KLHDC7A: variants seen among roughly 807,000 people sequenced by gnomAD.
KLHDC7A encodes the protein kelch domain containing 7A, also known as kelch domain-containing protein 7A.
For synonymous variants in KLHDC7A, 464 were observed against 461.0 expected (o/e 1.01, Z -0.08); for missense variants, 1,123 against 1,052.6 (o/e 1.07, Z -0.93).
At position 18,481,113 on chromosome 1, in the gene KLHDC7A, A is replaced by C; in HGVS notation, c.132A>C (p.Pro44=). 4 of 1,613,798 alleles carry C rather than the reference A, an allele frequency of 2.5e-6. No homozygotes were observed. Among genetic ancestry groups the C allele is most frequent in the Non-Finnish European group, 3.4e-6 (4 of 1,179,950 alleles). ...AYRLYKSRPA[P]AQRWGGNGQA... ...GGCTGTACAAGTCGAGGCCTGCCCC[A>C]GCCCAGCGGTGGGGTGGGAATGGCC... Residue 44 remains proline, a synonymous_variant, in exon 1 of 1, where the codon CCA becomes CCC. Transcript: ENST00000400664.
chr1:18,481,209 C>T lies in KLHDC7A; in HGVS notation c.228C>T (p.Leu76=), dbSNP rs1456396213. ...PAVQEASPGV[L]LRGPRRRRSS... Reference sequence around the variant, plus strand: ...TACAGGAGGCTTCTCCTGGGGTGCTCCTGAGGGGGCCAAGACGTCGGAGGA... The same window carrying T: ...TACAGGAGGCTTCTCCTGGGGTGCTTCTGAGGGGGCCAAGACGTCGGAGGA... Residue 76 remains leucine (L), a synonymous_variant, in exon 1 of 1, where the codon CTC becomes CTT. Coordinates refer to ENST00000400664, the MANE Select transcript of KLHDC7A (RefSeq NM_152375.3). 6.3e-7 allele frequency: 1 copy of T among 1,589,990 alleles called. No individual in the cohort carries two copies. The highest frequency in any genetic ancestry group is 1.1e-5 in the South Asian group (1 of 87,920).
chr1:18,482,327 C>G lies in KLHDC7A; in HGVS notation c.1346C>G (p.Ala449Gly), dbSNP rs559205956. 1 of 1,602,144 alleles carries G rather than the reference C, an allele frequency of 6.2e-7. No individual in the cohort carries two copies. The highest frequency in any genetic ancestry group is 1.7e-5 in the Admixed American group (1 of 60,026). The change falls in exon 1 of 1, where the codon GCC becomes GGC. Residue 449 changes from alanine (A) to glycine (G), a missense_variant. Physicochemically the swap from Ala to Gly is moderately conservative, Grantham distance 60. Transcript: ENST00000400664. The part of the protein sequence containing the change: ...LTLAKRQNLE[A>G]LKEAAYKVMS... ...TTGGCCAAGAGGCAGAACCTGGAGGCCCTGAAAGAGGCGGCCTACAAGGTG... is the reference window on the plus strand; with the variant it reads ...TTGGCCAAGAGGCAGAACCTGGAGGGCCTGAAAGAGGCGGCCTACAAGGTG...
In KLHDC7A at chr1:18,481,151, A is replaced by G. The variant is rs769063888; in HGVS notation, c.170A>G (p.Lys57Arg). ...RWGGNGQAEA[K>R]EEAEGSGQPA... ...GGTGGGAATGGCCAGGCAGAAGCCAAGGAGGAAGCAGAGGGCTCAGGGCAG... is the reference window on the plus strand; with the variant it reads ...GGTGGGAATGGCCAGGCAGAAGCCAGGGAGGAAGCAGAGGGCTCAGGGCAG... Residue 57 changes from lysine to arginine, a missense_variant, in exon 1 of 1, where the codon AAG becomes AGG. Coordinates refer to ENST00000400664, the MANE Select transcript of KLHDC7A (RefSeq NM_152375.3). The G allele has an allele frequency of 3.1e-6, 5 of 1,612,730 alleles. No individual in the cohort carries two copies. Among genetic ancestry groups the G allele is most frequent in the African/African-American group, 2.7e-5 (2 of 74,896 alleles).
Position 18,483,566 on chromosome 1 carries a change from A to T in KLHDC7A, c.*251A>T. 7.1e-7 allele frequency: 1 copy of T among 1,401,768 alleles called. No homozygotes were observed. The allele number at this position is 1,401,768 out of a possible 1,614,324, so 86.8% of individuals were successfully genotyped here. A position where few individuals can be genotyped will look rare whatever the true frequency, so the allele number is the denominator to read the frequency against. On this transcript the variant is annotated 3_prime_UTR_variant, in exon 1 of 1. Transcript: ENST00000400664. ...TGGTGTTCCAAGGCAGAAGGCATTC[A>T]TGTCTTCAGGGATGACCGCCCTTGC...
rs755445413 is a variant in KLHDC7A, at chr1:18,482,927, G to A, written c.1946G>A (p.Arg649His). The A allele has an allele frequency of 1.9e-6, 3 of 1,610,942 alleles. No homozygotes were observed. Among genetic ancestry groups the A allele is most frequent in the African/African-American group, 1.3e-5 (1 of 74,928 alleles). ...TGGSLRFLLFRFSAQEQRWWA... is the reference protein window; with the variant it reads ...TGGSLRFLLFHFSAQEQRWWA... ...GGCTCGCTGCGCTTCCTGCTGTTCC[G>A]CTTCTCTGCGCAGGAGCAGCGCTGG... is the stretch of plus-strand genomic sequence containing the variant. The change falls in exon 1 of 1, where the codon CGC becomes CAC. Residue 649 changes from arginine (R) to histidine (H), a missense_variant. Transcript: ENST00000400664.
chr1:18,483,761 C>T lies in KLHDC7A; in HGVS notation c.*446C>T. On this transcript the variant is annotated 3_prime_UTR_variant, in exon 1 of 1. Coordinates refer to ENST00000400664, the MANE Select transcript of KLHDC7A (RefSeq NM_152375.3). ...ATCAGTGCCCCTTCCTAAACATCAG[C>T]CACTGGGCCCCACCTCCACAGTTCC... 1 of 1,201,242 alleles carries T rather than the reference C, an allele frequency of 8.3e-7. No homozygotes were observed. Among genetic ancestry groups the T allele is most frequent in the Non-Finnish European group, 1.1e-6 (1 of 942,054 alleles). 74.4% of individuals were successfully genotyped at this position (1,201,242 alleles called of 1,614,324 possible). A position where few individuals can be genotyped will look rare whatever the true frequency, so the allele number is the denominator to read the frequency against.
Position 18,481,043 on chromosome 1 carries a change from T to G in KLHDC7A, c.62T>G (p.Val21Gly). The G allele has an allele frequency of 1.2e-6, 2 of 1,612,570 alleles. No homozygotes were observed. The highest frequency in any genetic ancestry group is 2.2e-5 in the South Asian group (2 of 90,890). ...TTGGATATGCAGCTGACCGGCAAGG[T>G]GGTGCTGTCAGCCGCTGCCCTGCTC... is the stretch of plus-strand genomic sequence containing the variant. ...WHLDMQLTGKVVLSAAALLLV... is the reference protein window; with the variant it reads ...WHLDMQLTGKGVLSAAALLLV... The change falls in exon 1 of 1, where the codon GTG becomes GGG. Residue 21 changes from valine to glycine, a missense_variant. Val to Gly is a moderately radical substitution (Grantham distance 109, BLOSUM62 -3). Coordinates refer to ENST00000400664, the MANE Select transcript of KLHDC7A (RefSeq NM_152375.3).
rs1029929172 is a variant in KLHDC7A, at chr1:18,483,951, A to G, written c.*636A>G. ...CCTAGGAGACTCTTGCTTGCGAGAA[A>G]ATATACCAAAGCCCACATTACTTTT... On this transcript the variant is annotated 3_prime_UTR_variant, in exon 1 of 1. Coordinates refer to ENST00000400664, the MANE Select transcript of KLHDC7A (RefSeq NM_152375.3). The G allele has an allele frequency of 7.7e-7, 1 of 1,304,096 alleles. No individual in the cohort carries two copies. Among genetic ancestry groups the G allele is most frequent in the African/African-American group, 1.5e-5 (1 of 65,878 alleles). The allele number at this position is 1,304,096 out of a possible 1,614,324, so 80.8% of individuals were successfully genotyped here.
rs972993564 is a variant in KLHDC7A, at chr1:18,483,723, G to C, written c.*408G>C. Reference sequence around the variant, plus strand: ...TCGCTAGTTGCTCTGGAGAGGGGTTGGCTCTCTGAGCCATCAGTGCCCCTT... The same window carrying C: ...TCGCTAGTTGCTCTGGAGAGGGGTTCGCTCTCTGAGCCATCAGTGCCCCTT... On this transcript the variant is annotated 3_prime_UTR_variant, in exon 1 of 1. Transcript: ENST00000400664. 1.7e-6 allele frequency: 2 copies of C among 1,195,594 alleles called. No individual in the cohort carries two copies. Among genetic ancestry groups the C allele is most frequent in the African/African-American group, 1.6e-5 (1 of 62,516 alleles). The allele number at this position is 1,195,594 out of a possible 1,614,324, so 74.1% of individuals were successfully genotyped here. A position where few individuals can be genotyped will look rare whatever the true frequency, so the allele number is the denominator to read the frequency against.
In KLHDC7A at chr1:18,482,786, T is replaced by C; in HGVS notation, c.1805T>C (p.Val602Ala). 2 of 1,608,670 alleles carry C rather than the reference T, an allele frequency of 1.2e-6. No homozygotes were observed. The highest frequency in any genetic ancestry group is 2.2e-5 in the South Asian group (2 of 90,754). ...ATCGGCGGAGAGTGTCTGAACTCGG[T>C]GGAGCGTTACGACCCCCGCCTGGAC... ...YAIGGECLNS[V>A]ERYDPRLDRW... Residue 602 changes from valine to alanine, a missense_variant, in exon 1 of 1, where the codon GTG (valine) becomes GCG (alanine). Physicochemically the swap from Val to Ala is moderately conservative, Grantham distance 64. Coordinates refer to ENST00000400664, the MANE Select transcript of KLHDC7A (RefSeq NM_152375.3).
At position 18,481,232 on chromosome 1, in the gene KLHDC7A, G is replaced by A. The variant is rs143501382; in HGVS notation, c.251G>A (p.Arg84Lys). The change falls in exon 1 of 1, where the codon AGG becomes AAG. Residue 84 changes from arginine to lysine, a missense_variant. Transcript: ENST00000400664. ...CTCCTGAGGGGGCCAAGACGTCGGA[G>A]GAGCAGCAAGCGGGCTGAAGCACCA... is the stretch of plus-strand genomic sequence containing the variant. ...GVLLRGPRRRRSSKRAEAPQG... is the reference protein window; with the variant it reads ...GVLLRGPRRRKSSKRAEAPQG... 2.8e-5 allele frequency: 45 copies of A among 1,586,156 alleles called. 1 individual carries two copies. The Middle Eastern group carries it at 1.2e-3, about 44-fold the overall frequency.
In KLHDC7A at chr1:18,484,391, C is replaced by T. The variant is rs2086920524; in HGVS notation, c.*1076C>T. 1 of 270,430 alleles carries T rather than the reference C, an allele frequency of 3.7e-6. No individual in the cohort carries two copies. 16.8% of individuals were successfully genotyped at this position (270,430 alleles called of 1,614,324 possible). A position where few individuals can be genotyped will look rare whatever the true frequency, so the allele number is the denominator to read the frequency against. On this transcript the variant is annotated 3_prime_UTR_variant, in exon 1 of 1. Coordinates refer to ENST00000400664, the MANE Select transcript of KLHDC7A (RefSeq NM_152375.3). ...CCCCCAGCCTCAGGAAAGCACCTGT[C>T]CTTCCAGGAGGGACGGGAGAGAGCC...
chr1:18,482,904 C>T lies in KLHDC7A; in HGVS notation c.1923C>T (p.Gly641=), dbSNP rs1464198652. Residue 641 remains glycine (G), a synonymous_variant, in exon 1 of 1, where the codon GGC becomes GGT. Transcript: ENST00000400664. Reference sequence around the variant, plus strand: ...CCAAGGAAATCTTCGTCACCGGCGGCTCGCTGCGCTTCCTGCTGTTCCGCT... The same window carrying T: ...CCAAGGAAATCTTCGTCACCGGCGGTTCGCTGCGCTTCCTGCTGTTCCGCT... The part of the protein sequence containing the change: ...VRAKEIFVTG[G]SLRFLLFRFS... 2 of 1,609,970 alleles carry T rather than the reference C, an allele frequency of 1.2e-6. No homozygotes were observed. The highest frequency in any genetic ancestry group is 1.1e-5 in the South Asian group (1 of 90,802).
At position 18,482,299 on chromosome 1, in the gene KLHDC7A, A is replaced by C. The variant is rs930966018; in HGVS notation, c.1318A>C (p.Thr440Pro). Reference sequence around the variant, plus strand: ...TCTGGGCAATTGCTATGAGGTGCTGACCTTGGCCAAGAGGCAGAACCTGGA... The same window carrying C: ...TCTGGGCAATTGCTATGAGGTGCTGCCCTTGGCCAAGAGGCAGAACCTGGA... The part of the protein sequence containing the change: ...LDLGNCYEVL[T>P]LAKRQNLEAL... Residue 440 changes from threonine to proline, a missense_variant, in exon 1 of 1, where the codon ACC becomes CCC. Physicochemically the swap from Thr to Pro is conservative, Grantham distance 38. Coordinates refer to ENST00000400664, the MANE Select transcript of KLHDC7A (RefSeq NM_152375.3). The C allele has an allele frequency of 6.2e-7, 1 of 1,602,380 alleles. No individual in the cohort carries two copies. The highest frequency in any genetic ancestry group is 8.5e-7 in the Non-Finnish European group (1 of 1,179,944).
Position 18,481,193 on chromosome 1 carries a change from C to A in KLHDC7A, c.212C>A (p.Ala71Asp), listed in dbSNP as rs1320378331. Residue 71 changes from alanine (A) to aspartate (D), a missense_variant, in exon 1 of 1, where the codon GCT (alanine) becomes GAT (aspartate). Ala to Asp is a moderately radical substitution (Grantham distance 126, BLOSUM62 -2). Coordinates refer to ENST00000400664, the MANE Select transcript of KLHDC7A (RefSeq NM_152375.3). ...TCAGGGCAGCCTGCTGTACAGGAGG[C>A]TTCTCCTGGGGTGCTCCTGAGGGGG... ...EGSGQPAVQE[A>D]SPGVLLRGPR... is the part of the protein sequence containing the mutation. 3.1e-6 allele frequency: 5 copies of A among 1,599,850 alleles called. No individual in the cohort carries two copies. The South Asian group carries it at 3.3e-5, about 11-fold the overall frequency.
chr1:18,481,814 C>T lies in KLHDC7A; in HGVS notation c.833C>T (p.Ala278Val), dbSNP rs773099714. The part of the protein sequence containing the change: ...VRMEEHFIQK[A>V]EGVEPRLKGK... ...ATGGAGGAGCATTTCATACAGAAGGCGGAGGGGGTTGAGCCCCGGCTCAAG... is the reference window on the plus strand; with the variant it reads ...ATGGAGGAGCATTTCATACAGAAGGTGGAGGGGGTTGAGCCCCGGCTCAAG... Residue 278 changes from alanine to valine, a missense_variant, in exon 1 of 1, where the codon GCG becomes GTG. Ala to Val is a moderately conservative substitution (Grantham distance 64, BLOSUM62 0). Coordinates refer to ENST00000400664, the MANE Select transcript of KLHDC7A (RefSeq NM_152375.3). 3 of 1,614,106 alleles carry T rather than the reference C, an allele frequency of 1.9e-6. No individual in the cohort carries two copies. The highest frequency in any genetic ancestry group is 1.7e-6 in the Non-Finnish European group (2 of 1,180,006).
Position 18,482,446 on chromosome 1 carries a change from C to A in KLHDC7A, c.1465C>A (p.Arg489=). ...ERELILQRRL[R]GRQYLVVADV... is the part of the protein sequence containing the mutation. ...CGAGCTGATCCTGCAGCGCCGGCTCCGGGGCCGCCAGTACCTGGTGGTGGC... is the reference window on the plus strand; with the variant it reads ...CGAGCTGATCCTGCAGCGCCGGCTCAGGGGCCGCCAGTACCTGGTGGTGGC... The change falls in exon 1 of 1, where the codon CGG becomes AGG. Residue 489 remains arginine (R), a synonymous_variant. Transcript: ENST00000400664. 6.2e-7 allele frequency: 1 copy of A among 1,610,216 alleles called. No individual in the cohort carries two copies. The highest frequency in any genetic ancestry group is 2.2e-5 in the East Asian group (1 of 44,866).
chr1:18,481,650 G>A lies in KLHDC7A; in HGVS notation c.669G>A (p.Trp223Ter), dbSNP rs906357799. 1.2e-6 allele frequency: 2 copies of A among 1,614,084 alleles called. No homozygotes were observed. Among genetic ancestry groups the A allele is most frequent in the Non-Finnish European group, 1.7e-6 (2 of 1,180,036 alleles). ...LQGSSDMNQS[W>*]VFTRVIGVSR... ...GCAGCAGTGACATGAACCAGAGCTG[G>A]GTCTTCACCCGTGTGATAGGGGTCA... Residue 223 changes from tryptophan (W) to a stop codon, truncating the protein, a stop_gained, in exon 1 of 1, where the codon TGG (tryptophan) becomes TGA (stop). Coordinates refer to ENST00000400664, the MANE Select transcript of KLHDC7A (RefSeq NM_152375.3). LOFTEE classifies it low-confidence loss of function (END_TRUNC).
Position 18,483,534 on chromosome 1 carries a change from C to T in KLHDC7A, c.*219C>T. ...GAGGCCCCACTGCAGAAAAGAGGAC[C>T]AGGAGCTGGTGTTCCAAGGCAGAAG... On this transcript the variant is annotated 3_prime_UTR_variant, in exon 1 of 1. Coordinates refer to ENST00000400664, the MANE Select transcript of KLHDC7A (RefSeq NM_152375.3). The T allele has an allele frequency of 7.0e-7, 1 of 1,429,632 alleles. No homozygotes were observed. The highest frequency in any genetic ancestry group is 1.6e-5 in the South Asian group (1 of 63,940). The allele number at this position is 1,429,632 out of a possible 1,614,324, so 88.6% of individuals were successfully genotyped here.
Sources: gnomAD v4.1 joint callset for allele counts on GRCh38, gnomAD v4.1.1 for gene constraint, MANE v1.5 for transcripts, NCBI Gene and HGNC (gene_info 2026-07-23, HGNC 2026-07-21) for gene names.